Variants in MEGF6 observed in about 807,000 individuals in gnomAD.
MEGF6 encodes the protein multiple EGF like domains 6.
In MEGF6, 184 loss-of-function variants were observed where a neutral mutation model predicts 207.1. That is an observed-to-expected ratio of 0.89 (90% CI 0.79 to 1.00). The LOEUF is 1.00. Among genes scored for constraint, MEGF6 ranks in the 50% least tolerant of loss-of-function variants. MEGF6 has a pLI of 0.00. For synonymous variants in MEGF6, 1,038 were observed against 910.0 expected (o/e 1.14, Z -2.53); for missense variants, 2,282 against 2,202.9 (o/e 1.04, Z -0.72).
rs557671438 is a variant in MEGF6 at position 3,498,630 on chromosome 1, C to T, written c.3223+68G>A. On this transcript the variant is annotated intron_variant, in intron 25 of 36. Transcript: ENST00000356575. ...GCTGCCCCCTGACCTGGGAGCCCTCCTAGGCCTGCAGGCGGGGCTGCACCA... is the reference window on the plus strand; with the variant it reads ...GCTGCCCCCTGACCTGGGAGCCCTCTTAGGCCTGCAGGCGGGGCTGCACCA... 90 of 1,499,884 alleles carry T rather than the reference C, an allele frequency of 6.0e-5. No individual in the cohort carries two copies. In the African/African-American group the frequency reaches 1.2e-3, roughly 20 times the overall value. 92.9% of individuals were successfully genotyped at this position (1,499,884 alleles called of 1,614,324 possible).
intron 25 of MEGF6, 77 bp downstream of exon 25, chr1:3,498,621 G>C: frequency 2.0e-6 from 3 of 1,489,646 alleles, no homozygotes; most frequent in Non-Finnish European, 2.7e-6. Context: ...CCCTGACCTG[G>C]GAGCCCTCCT....
intron 4 of MEGF6, among the ~76,000 whole-genome samples, chr1:3,574,661 G>A (rs1460941536): frequency 6.6e-6 from 1 of 152,108 alleles, no homozygotes; most frequent in Non-Finnish European, 1.5e-5. Context: ...TTTATCTATT[G>A]AGACAGGGTC....
At chr1:3,620,972 G>A in the MEGF6 span, among the ~76,000 whole-genome samples, 1 of 152,282 alleles carries the variant, frequency 6.6e-6, no homozygotes, top group East Asian at 1.9e-4. Flanking sequence ...GACAGCTTAC[G>A]CCATTATTTC....
intron 4 of MEGF6, among the ~76,000 whole-genome samples, chr1:3,554,618 T>G (rs1274786795): frequency 1.3e-5 from 2 of 152,150 alleles, no homozygotes; most frequent in Non-Finnish European, 2.9e-5. Flanking sequence ...TGAGAATGAC[T>G]GGGCCCCCCA....
In MEGF6 at chr1:3,585,488, G is replaced by A. The variant is rs1351901622; in HGVS notation, c.377-5559C>T. Among the ~76,000 whole-genome samples, 3 of 147,740 alleles carry A rather than the reference G, an allele frequency of 2.0e-5. No individual in the cohort carries two copies. The East Asian group carries it at 6.2e-4, about 31-fold the overall frequency. On this transcript the variant is annotated intron_variant, in intron 3 of 36. Coordinates refer to ENST00000356575, the MANE Select transcript of MEGF6 (RefSeq NM_001409.4). ...GAGTGACACATGTCCTGTGTGTGAG[G>A]ACACTTGTCCTGTGTGTGGGTGTGA...
At position 3,505,260 on chromosome 1, in the gene MEGF6, G is replaced by T. The variant is rs780490935; in HGVS notation, c.2136C>A (p.Gly712=). The change falls in exon 17 of 37, where the codon GGC becomes GGA. Residue 712 remains glycine (G), a synonymous_variant. Transcript: ENST00000356575. ...PVGVACDSVS[G]ECGKRCPAGF... ...CAGCAGGACACCGCTTCCCACACTC[G>T]CCGCTCACGGAGTCACAGGCCACGC... 6.2e-7 allele frequency: 1 copy of T among 1,612,436 alleles called. No homozygotes were observed. The highest frequency in any genetic ancestry group is 1.7e-5 in the Admixed American group (1 of 60,000).
intron 4 of MEGF6, among the ~76,000 whole-genome samples, chr1:3,576,351 G>A (rs1643641816): frequency 6.6e-6 from 1 of 152,214 alleles, no homozygotes; most frequent in Non-Finnish European, 1.5e-5. Flanking sequence ...TGGGCAGCAG[G>A]GAGGGCTCCT....
At chr1:3,536,185 C>T (rs1642322356) in intron 4 of MEGF6, among the ~76,000 whole-genome samples, 2 of 152,220 alleles carry the variant, frequency 1.3e-5, no homozygotes, top group Admixed American at 6.5e-5. Context: ...CAGAGGTCAC[C>T]TCTGCAAAGC....
intron 4 of MEGF6, among the ~76,000 whole-genome samples, chr1:3,545,018 C>T (rs990070009): frequency 1.3e-5 from 2 of 152,188 alleles, no homozygotes; most frequent in African/African-American, 2.4e-5. Flanking sequence ...ATACAAGGAT[C>T]TTGGGGGAGA....
chr1:3,591,012 G>A (rs1643967905), intron 3 of MEGF6, among the ~76,000 whole-genome samples: 1 of 152,192 alleles, frequency 6.6e-6, no homozygotes, highest in Admixed American at 6.5e-5. Context: ...ACTGGCTGGG[G>A]AGACCGTGAG....
upstream of MEGF6, chr1:3,611,515 G>T: frequency 2.3e-6 from 1 of 435,758 alleles, no homozygotes; most frequent in Non-Finnish European, 3.8e-6. Flanking sequence ...CAGTGCCCCG[G>T]ACTCAGAGCC....
At chr1:3,618,513 G>A in the MEGF6 span, among the ~76,000 whole-genome samples, 10 of 152,258 alleles carry the variant, frequency 6.6e-5, no homozygotes, top group Non-Finnish European at 1.2e-4. This position sits in a 1 kb window ranked among gnomAD's most constrained non-coding sequence, Gnocchi z 4.7. Flanking sequence ...CCATCAACGC[G>A]ACTCAGCCTT....
chr1:3,499,772 GC>G (rs1306112324), intron 22 of MEGF6, 23 bp downstream of exon 22: 1 of 1,574,114 alleles, frequency 6.4e-7, no homozygotes, highest in Non-Finnish European at 8.6e-7. Flanking sequence ...ACCCAGCCTA[GC>G]CCCCGCCTGT....
In MEGF6 at chr1:3,500,517, CGT is replaced by C. The variant is rs994192460; in HGVS notation, c.2707+114_2707+115del. On this transcript the variant is annotated intron_variant, in intron 21 of 36. Transcript: ENST00000356575. ...CAGGAGGGGGCGCGGCCAAAGGCTT[CGT>C]GTGTGTGCGTGCAGGAGGGAGTACG... The C allele has an allele frequency of 2.7e-4, 378 of 1,396,984 alleles. 1 individual carries two copies. Among genetic ancestry groups the C allele is most frequent in the Middle Eastern group, 1.5e-3 (8 of 5,376 alleles). The allele number at this position is 1,396,984 out of a possible 1,614,324, so 86.5% of individuals were successfully genotyped here.
the MEGF6 span, among the ~76,000 whole-genome samples, chr1:3,621,530 C>A: frequency 6.6e-6 from 1 of 152,186 alleles, no homozygotes; most frequent in Non-Finnish European, 1.5e-5. Context: ...TACATATAAT[C>A]ATATCTATGA....
intron 33 of MEGF6, 45 bp from the exon 34 acceptor site, chr1:3,493,944 C>A: frequency 6.3e-7 from 1 of 1,581,632 alleles, no homozygotes; most frequent in East Asian, 2.3e-5. Context: ...GTCCTGCACC[C>A]AGACGGGACG....
chr1:3,503,467 GGCAGAGGAGGA>G (rs1640983758), intron 17 of MEGF6, among the ~76,000 whole-genome samples: 1 of 152,166 alleles, frequency 6.6e-6, no homozygotes, highest in African/African-American at 2.4e-5. Flanking sequence ...GAGGGGAAGG[GGCAGAGGAGGA>G]GCAGAGGAGG....
intron 29 of MEGF6, 86 bp from the exon 30 acceptor site, chr1:3,496,104 A>T: frequency 7.0e-7 from 1 of 1,429,098 alleles, no homozygotes; most frequent in Non-Finnish European, 9.1e-7. Context: ...ACAGGATGGG[A>T]TGGGGTGAGG....
chr1:3,592,771 A>G (rs1261709078), intron 3 of MEGF6, among the ~76,000 whole-genome samples: 1 of 152,092 alleles, frequency 6.6e-6, no homozygotes, highest in Non-Finnish European at 1.5e-5. Context: ...AGAGAAGGAG[A>G]TCACAGGGAT....
Sources: gnomAD v4.1 joint callset for allele counts (sites outside exome capture counted in the v4.1 genomes callset) on GRCh38, gnomAD v4.1.1 for gene constraint, Gnocchi (gnomAD v3.1) non-coding constraint, MANE v1.5 for transcripts, NCBI Gene and HGNC (gene_info 2026-07-23, HGNC 2026-07-21) for gene names.